XPNPEP2: variants seen among roughly 807,000 people sequenced by gnomAD.
The protein encoded by XPNPEP2 is X-prolyl aminopeptidase 2.
Under a neutral mutation model 59.8 loss-of-function variants are expected in XPNPEP2, and 64 were observed. That is an observed-to-expected ratio of 1.07 (90% CI 0.87 to 1.32). The LOEUF (loss-of-function observed/expected upper bound fraction) is 1.32. Ranked by LOEUF, XPNPEP2 falls within the 40% of genes most tolerant of loss-of-function variation. The pLI, the probability that XPNPEP2 is intolerant of heterozygous loss-of-function variation, is 0.00. For missense variants in XPNPEP2, 575 were observed against 546.8 expected (o/e 1.05, Z -0.51); for synonymous variants, 235 against 210.0 (o/e 1.12, Z -1.03).
chrX:129,750,717 C>A, intron 8 of XPNPEP2, 148 bp downstream of exon 8: 1 of 485,093 alleles, frequency 2.1e-6, no homozygotes, highest in Non-Finnish European at 3.3e-6. Context: ...CCCGTGGGAA[C>A]CAAGAAGGGT....
chrX:129,743,630 C>A (rs5932671), intron 2 of XPNPEP2, among the ~76,000 whole-genome samples: 18,408 of 111,840 alleles, frequency 0.16, 1,319 homozygotes, highest in Non-Finnish European at 0.24. Context: ...GGACTGTCTG[C>A]ATGGCCTGGC....
At chrX:129,761,960 G>A in intron 17 of XPNPEP2, 46 bp from the exon 18 acceptor site, 1 of 1,184,297 alleles carries the variant, frequency 8.4e-7, no homozygotes, top group Non-Finnish European at 1.1e-6. Flanking sequence ...CTTCCAAGCT[G>A]GTGAGTATAG....
intron 16 of XPNPEP2, 74 bp from the exon 17 acceptor site, chrX:129,761,098 T>C (rs1005491740): frequency 1.9e-6 from 2 of 1,037,455 alleles, no homozygotes; most frequent in Non-Finnish European, 2.7e-6. Flanking sequence ...ACTCTGATAG[T>C]GAAGCAAGAA....
At chrX:129,765,879 G>A (rs937978911) in intron 19 of XPNPEP2, among the ~76,000 whole-genome samples, 1 of 110,946 alleles carries the variant, frequency 9.0e-6, no homozygotes, top group African/African-American at 3.3e-5. Context: ...CTCAGGTGAT[G>A]CACCTGCCTT....
chrX:129,741,174 G>GC (rs1602893890), intron 1 of XPNPEP2, among the ~76,000 whole-genome samples: 4 of 89,796 alleles, frequency 4.5e-5, no homozygotes, highest in Admixed American at 1.1e-4. Flanking sequence ...ATGAATATTG[G>GC]GGGGGGGTCA....
chrX:129,739,325 G>C (rs1011091065), intron 1 of XPNPEP2, 63 bp downstream of exon 1: 1 of 1,127,054 alleles, frequency 8.9e-7, no homozygotes, highest in East Asian at 3.0e-5. Flanking sequence ...GCTCAGAAAG[G>C]GTTGGAGTGA....
intron 19 of XPNPEP2, among the ~76,000 whole-genome samples, chrX:129,766,582 C>T (rs1026020737): frequency 3.6e-5 from 4 of 110,827 alleles, no homozygotes; most frequent in South Asian, 7.7e-4. Flanking sequence ...GATCACAGCC[C>T]GCTGCAGCTT....
Position 129,750,462 on chromosome X carries a change from T to G in XPNPEP2, c.638-6T>G. On this transcript the variant is annotated splice_region_variant and splice_polypyrimidine_tract_variant and intron_variant, in intron 7 of 20. Transcript: ENST00000371106. ...TTACACTTTTTTGGGGCTCCTTTGC[T>G]TCTAGGGAGCACTTGGCAGGAGAAA... is the stretch of plus-strand genomic sequence containing the variant. 8.4e-7 allele frequency: 1 copy of G among 1,187,818 alleles called. No homozygotes were observed. Among genetic ancestry groups the G allele is most frequent in the Non-Finnish European group, 1.1e-6 (1 of 882,526 alleles).
chrX:129,742,361 G>A (rs1456007451), intron 2 of XPNPEP2, among the ~76,000 whole-genome samples, 180 bp downstream of exon 2: 2 of 104,857 alleles, frequency 1.9e-5, no homozygotes, highest in South Asian at 4.4e-4. Flanking sequence ...GGACTCTTGG[G>A]CCCCTCCCCC....
chrX:129,761,228 G>A lies in XPNPEP2; in HGVS notation c.1555G>A (p.Gly519Ser). ...RALWDAGLNY[G>S]HGTGHGIGNF... is the part of the protein sequence containing the mutation. ...CTTGTGGGATGCTGGTCTCAATTAT[G>A]GTCATGGGACAGGCCACGGCATTGG... Residue 519 changes from glycine (G) to serine (S), a missense_variant, in exon 17 of 21, where the codon GGT becomes AGT. By Grantham distance (56) the Gly-to-Ser change is moderately conservative (BLOSUM62 0). Coordinates refer to ENST00000371106, the MANE Select transcript of XPNPEP2 (RefSeq NM_003399.6). 2 of 1,212,145 alleles carry A rather than the reference G, an allele frequency of 1.6e-6. No individual in the cohort carries two copies. Among genetic ancestry groups the A allele is most frequent in the Non-Finnish European group, 2.2e-6 (2 of 895,575 alleles).
At chrX:129,752,009 A>G (rs1771602) in intron 9 of XPNPEP2, 141 bp from the exon 10 acceptor site, 56,051 of 835,169 alleles carry the variant, frequency 0.067, 3,617 homozygotes, top group African/African-American at 0.39. Flanking sequence ...CTCTGTCCCT[A>G]TTGAATCCCA....
intron 13 of XPNPEP2, among the ~76,000 whole-genome samples, chrX:129,756,096 T>G (rs773386272): frequency 6.2e-5 from 7 of 112,441 alleles, no homozygotes; most frequent in African/African-American, 2.3e-4. Context: ...GGAGGGAGCA[T>G]CTGGGTAGAG....
intron 11 of XPNPEP2, 76 bp downstream of exon 11, chrX:129,753,324 A>C (rs1926456501): frequency 1.0e-6 from 1 of 960,742 alleles, no homozygotes; most frequent in Admixed American, 2.4e-5. Context: ...GGCCTCCAGA[A>C]GAGCCTGAAG....
At chrX:129,766,572 G>A (rs1284007413) in intron 19 of XPNPEP2, among the ~76,000 whole-genome samples, 2 of 110,022 alleles carry the variant, frequency 1.8e-5, no homozygotes, top group African/African-American at 6.6e-5. Flanking sequence ...GCAGTGGCAC[G>A]ATCACAGCCC....
chrX:129,763,444 G>T (rs1926693613), intron 19 of XPNPEP2, among the ~76,000 whole-genome samples: 1 of 112,121 alleles, frequency 8.9e-6, no homozygotes, highest in Non-Finnish European at 1.9e-5. Context: ...AAGGCAGGAG[G>T]ATCGCTTGAG....
At chrX:129,757,495 C>A (rs1178230748) in intron 14 of XPNPEP2, among the ~76,000 whole-genome samples, 4 of 108,856 alleles carry the variant, frequency 3.7e-5, no homozygotes, top group Non-Finnish European at 7.6e-5. Flanking sequence ...AATGCTCAGA[C>A]ATGACAGCCG....
chrX:129,744,220 A>G (rs777395517), intron 3 of XPNPEP2, 149 bp downstream of exon 3: 1 of 500,603 alleles, frequency 2.0e-6, no homozygotes, highest in Non-Finnish European at 3.3e-6. Flanking sequence ...CGGTAGTTTT[A>G]GGGCAAGTGA....
At chrX:129,760,412 C>G (rs1926634695) in intron 15 of XPNPEP2, 100 bp from the exon 16 acceptor site, 1 of 899,411 alleles carries the variant, frequency 1.1e-6, no homozygotes, top group Admixed American at 2.9e-5. Context: ...TACACACACC[C>G]AGGCCTGGGC....
At chrX:129,763,422 C>T (rs1926693125) in intron 19 of XPNPEP2, among the ~76,000 whole-genome samples, 1 of 112,224 alleles carries the variant, frequency 8.9e-6, no homozygotes, top group East Asian at 2.8e-4. Context: ...AATCCCAGCA[C>T]TCTGGGAGGC....
Sources: gnomAD v4.1 joint callset for allele counts (sites outside exome capture counted in the v4.1 genomes callset) on GRCh38, gnomAD v4.1.1 for gene constraint, MANE v1.5 for transcripts, NCBI Gene and HGNC (gene_info 2026-07-23, HGNC 2026-07-21) for gene names.